The following SNTB1 variants were observed in gnomAD, a reference collection of about 807,000 sequenced individuals.
SNTB1 encodes the protein syntrophin beta 1, also known as beta-1-syntrophin.
In SNTB1, 36 loss-of-function variants were observed where a neutral mutation model predicts 48.9. The observed-to-expected ratio is 0.74, with a 90% CI of 0.56 to 0.97. SNTB1 has a LOEUF of 0.97. SNTB1 is among the 50% of genes least tolerant of loss of function. The pLI, the probability that SNTB1 is intolerant of heterozygous loss-of-function variation, is 0.00. For missense variants in SNTB1, 786 were observed against 703.4 expected (o/e 1.12, Z -1.33); for synonymous variants, 299 against 294.6 (o/e 1.01, Z -0.15).
At chr8:120,786,076 C>T (rs975557162) in intron 1 of SNTB1, among the ~76,000 whole-genome samples, 5 of 152,212 alleles carry the variant, frequency 3.3e-5, no homozygotes, top group South Asian at 2.1e-4. Context: ...TCAGAGCTGA[C>T]GCAGTACCTG....
At chr8:120,676,513 G>C (rs899077264) in intron 2 of SNTB1, among the ~76,000 whole-genome samples, 1 of 152,214 alleles carries the variant, frequency 6.6e-6, no homozygotes, top group Non-Finnish European at 1.5e-5. Flanking sequence ...ACTGCTATGA[G>C]AGCAGCAATT....
chr8:120,639,142 G>A (rs561013819), intron 2 of SNTB1, among the ~76,000 whole-genome samples: 7 of 152,326 alleles, frequency 4.6e-5, no homozygotes, highest in African/African-American at 1.4e-4. Context: ...CTGATGGCCA[G>A]TGATGATGAG....
chr8:120,803,292 A>G (rs1820262658), intron 1 of SNTB1, among the ~76,000 whole-genome samples: 2 of 152,100 alleles, frequency 1.3e-5, no homozygotes, highest in African/African-American at 4.8e-5. Context: ...CCTGTTTGAG[A>G]GTGGCGCTCA....
intron 3 of SNTB1, among the ~76,000 whole-genome samples, chr8:120,589,259 C>A (rs148097561): frequency 2.1e-3 from 323 of 152,310 alleles, no homozygotes; most frequent in Middle Eastern, 3.4e-3. Flanking sequence ...CATAAATGCT[C>A]GCTGAGATCG....
At chr8:120,663,999 T>C (rs1235718367) in intron 2 of SNTB1, among the ~76,000 whole-genome samples, 1 of 152,204 alleles carries the variant, frequency 6.6e-6, no homozygotes, top group African/African-American at 2.4e-5. Flanking sequence ...CAGAGTCTGC[T>C]AGGCATAGGA....
At chr8:120,627,767 G>A (rs1217621515) in intron 3 of SNTB1, among the ~76,000 whole-genome samples, 2 of 152,134 alleles carry the variant, frequency 1.3e-5, no homozygotes, top group African/African-American at 2.4e-5. Context: ...TGCTCTAGAT[G>A]GGATTGTTGG....
At chr8:120,693,597 T>C (rs1166198623) in intron 2 of SNTB1, 95 bp downstream of exon 2, 3 of 1,023,032 alleles carry the variant, frequency 2.9e-6, no homozygotes, top group Non-Finnish European at 4.5e-6. Context: ...CCATGATGTG[T>C]TTTCAGAACA....
chr8:120,690,698 T>C (rs1818109767), intron 2 of SNTB1, among the ~76,000 whole-genome samples: 1 of 152,252 alleles, frequency 6.6e-6, no homozygotes, highest in South Asian at 2.1e-4. Context: ...AAAATCACTC[T>C]GTTAGATGTG....
intron 3 of SNTB1, among the ~76,000 whole-genome samples, chr8:120,596,004 G>A (rs1816316230): frequency 6.6e-6 from 1 of 152,132 alleles, no homozygotes; most frequent in Non-Finnish European, 1.5e-5. Context: ...AATATGTTGA[G>A]CTGCTTTTTC....
At chr8:120,587,714 C>T (rs924243259) in intron 3 of SNTB1, among the ~76,000 whole-genome samples, 18 of 152,304 alleles carry the variant, frequency 1.2e-4, no homozygotes, top group African/African-American at 3.9e-4. Flanking sequence ...GGACCTTCTT[C>T]GCTCACCCAT....
intron 3 of SNTB1, among the ~76,000 whole-genome samples, chr8:120,595,526 C>G (rs1816308747): frequency 6.6e-6 from 1 of 152,036 alleles, no homozygotes; most frequent in African/African-American, 2.4e-5. Context: ...TAAAAATGGG[C>G]AACCAGGAGC....
rs577410159 is a variant in SNTB1 at position 120,730,709 on chromosome 8, A to G, written c.572-36801T>C. 5.9e-5 allele frequency among the ~76,000 whole-genome samples: 9 copies of G among 152,314 alleles called. No individual in the cohort carries two copies. The South Asian group carries it at 1.9e-3, about 32-fold the overall frequency. On this transcript the variant is annotated intron_variant, in intron 1 of 6. Transcript: ENST00000517992. ...AGTCACTTAATATTTTTGAACTTTA[A>G]TCTCATCTTCTGTAAAGTGGGAACA...
At chr8:120,647,021 T>C (rs1817308871) in intron 2 of SNTB1, among the ~76,000 whole-genome samples, 1 of 151,158 alleles carries the variant, frequency 6.6e-6, no homozygotes, top group Admixed American at 6.6e-5. Flanking sequence ...ATCCCCTTTA[T>C]CATTTTTTAT....
At chr8:120,614,000 T>C (rs1292418326) in intron 3 of SNTB1, among the ~76,000 whole-genome samples, 1 of 152,198 alleles carries the variant, frequency 6.6e-6, no homozygotes, top group Non-Finnish European at 1.5e-5. Flanking sequence ...TGAGGCAGGA[T>C]GCAGGAGCTC....
intron 1 of SNTB1, among the ~76,000 whole-genome samples, chr8:120,781,584 C>G (rs1375994468): frequency 1.3e-5 from 2 of 152,078 alleles, no homozygotes; most frequent in Non-Finnish European, 2.9e-5. Flanking sequence ...AGTGGGTGAC[C>G]CAAGGCCATG....
At chr8:120,694,657 G>A (rs186316842) in intron 1 of SNTB1, among the ~76,000 whole-genome samples, 1 of 151,576 alleles carries the variant, frequency 6.6e-6, no homozygotes, top group East Asian at 1.9e-4. Context: ...TATTATTAGT[G>A]GGGATAAAAG....
chr8:120,593,878 C>T (rs1392374200), intron 3 of SNTB1, among the ~76,000 whole-genome samples: 2 of 152,064 alleles, frequency 1.3e-5, no homozygotes, highest in Non-Finnish European at 2.9e-5. Context: ...AGGGGACATA[C>T]CAAACTCTTC....
Position 120,623,876 on chromosome 8 carries a change from C to T in SNTB1, c.996+8568G>A, listed in dbSNP as rs115527716. On this transcript the variant is annotated intron_variant, in intron 3 of 6. Transcript: ENST00000517992. ...AGTAGGTTCAACAGAGTCTGCTAGC[C>T]ACGTGCATTAGTCTGTTTTGTGTTG... Among the ~76,000 whole-genome samples the T allele has an allele frequency of 7.1e-3, 1,083 of 152,276 alleles. 20 individuals are homozygous for T. Among genetic ancestry groups the T allele is most frequent in the African/African-American group, 0.025 (1,025 of 41,546 alleles).
At chr8:120,748,444 G>A (rs1453102057) in intron 1 of SNTB1, among the ~76,000 whole-genome samples, 5 of 152,182 alleles carry the variant, frequency 3.3e-5, no homozygotes, top group South Asian at 4.1e-4. Context: ...TCTGGCTCAC[G>A]CAGGAATTGT....
Sources: allele counts gnomAD v4.1 joint callset (sites outside exome capture counted in the v4.1 genomes callset), GRCh38; gene constraint gnomAD v4.1.1; transcripts MANE v1.5; gene names NCBI Gene and HGNC (gene_info 2026-07-23, HGNC 2026-07-21).